ELP4: variants seen among roughly 807,000 people sequenced by gnomAD.
ELP4 encodes the protein elongator acetyltransferase complex subunit 4.
ELP4 carries 51 observed loss-of-function variants against 48.9 expected under a neutral mutation model. That is an observed-to-expected ratio of 1.04 (90% confidence interval 0.83 to 1.32). The LOEUF (loss-of-function observed/expected upper bound fraction) is 1.32, where lower values mean the gene tolerates loss of function less well. Ranked by LOEUF, ELP4 falls within the 40% of genes most tolerant of loss-of-function variation. The pLI, the probability that ELP4 is intolerant of heterozygous loss-of-function variation, is 0.00. For missense variants in ELP4, 519 were observed against 514.6 expected (o/e 1.01, Z -0.08); for synonymous variants, 210 against 189.2 (o/e 1.11, Z -0.90).
At chr11:31,646,083 A>T (rs1945191158) in intron 7 of ELP4, 1 of 151,744 alleles carries the variant, frequency 6.6e-6, no homozygotes, top group Non-Finnish European at 1.5e-5. Flanking sequence ...ATGGCCTCTG[A>T]AGCCCCTGTT....
At chr11:31,567,211 G>T (rs569087473) in intron 3 of ELP4, among the ~76,000 whole-genome samples, 2 of 151,992 alleles carry the variant, frequency 1.3e-5, no homozygotes, top group South Asian at 4.2e-4. Flanking sequence ...GGGATTACAG[G>T]CGTGAGCCAC....
chr11:31,554,113 G>A (rs543752377), intron 3 of ELP4, among the ~76,000 whole-genome samples: 1 of 152,266 alleles, frequency 6.6e-6, no homozygotes, highest in African/African-American at 2.4e-5. Context: ...TCTAGCTGCA[G>A]GAAAACAAGC....
chr11:31,552,067 C>G (rs1057482744), intron 3 of ELP4, among the ~76,000 whole-genome samples: 7 of 152,180 alleles, frequency 4.6e-5, no homozygotes, highest in Non-Finnish European at 7.3e-5. Flanking sequence ...CAGGCCTCAT[C>G]TGACTTGCCT....
In ELP4 at chr11:31,785,672, G is replaced by A. The variant is rs1948560896; in HGVS notation, c.*2148G>A. 1 of 194,386 alleles carries A rather than the reference G, an allele frequency of 5.1e-6. No homozygotes were observed. Among genetic ancestry groups the A allele is most frequent in the Non-Finnish European group, 1.1e-5 (1 of 93,460 alleles). 12.0% of individuals were successfully genotyped at this position (194,386 alleles called of 1,614,324 possible). ...TAAAAATAAGCTACTGGAGAGGGGT[G>A]TGTATTTTTGTCTTCCTCTGATAAA... On this transcript the variant is annotated 3_prime_UTR_variant, in exon 10 of 10. Coordinates refer to ENST00000640961, the MANE Select transcript of ELP4 (RefSeq NM_019040.5).
intron 9 of ELP4, among the ~76,000 whole-genome samples, chr11:31,716,214 T>G (rs1036705122): frequency 6.6e-6 from 1 of 152,098 alleles, no homozygotes; most frequent in Admixed American, 6.6e-5. Flanking sequence ...GATTTTGTTA[T>G]GTTGCCCAGG....
intron 9 of ELP4, among the ~76,000 whole-genome samples, chr11:31,734,218 A>C (rs1947254294): frequency 2.0e-5 from 3 of 152,224 alleles, no homozygotes; most frequent in African/African-American, 7.2e-5. Flanking sequence ...AATTATAGCA[A>C]CATAATAAAG....
intron 9 of ELP4, chr11:31,767,425 G>T (rs868820465): frequency 6.6e-6 from 1 of 151,506 alleles, no homozygotes; most frequent in African/African-American, 2.4e-5. Flanking sequence ...GTAGTTAGGT[G>T]GTGGGGGGAA....
chr11:31,677,177 A>G (rs894489113), intron 9 of ELP4, among the ~76,000 whole-genome samples: 2 of 152,188 alleles, frequency 1.3e-5, no homozygotes, highest in African/African-American at 4.8e-5. Flanking sequence ...TTCCAGGACA[A>G]TCTCCTCACT....
chr11:31,666,697 A>G (rs79097804), intron 9 of ELP4, among the ~76,000 whole-genome samples: 1 of 151,842 alleles, frequency 6.6e-6, no homozygotes, highest in Non-Finnish European at 1.5e-5. Context: ...GTCTCAAAAA[A>G]AAAAAAAAAA....
intron 3 of ELP4, among the ~76,000 whole-genome samples, chr11:31,560,038 G>A (rs929242989): frequency 6.6e-6 from 1 of 151,604 alleles, no homozygotes. Flanking sequence ...AATACCCTAA[G>A]CATTTTTGCT....
intron 5 of ELP4, among the ~76,000 whole-genome samples, chr11:31,614,267 G>A (rs1393637514): frequency 6.6e-6 from 1 of 152,006 alleles, no homozygotes; most frequent in Non-Finnish European, 1.5e-5. Flanking sequence ...CCATTCAAAG[G>A]CACTGGGACT....
intron 9 of ELP4, among the ~76,000 whole-genome samples, chr11:31,655,610 G>A (rs930099255): frequency 6.6e-6 from 1 of 151,942 alleles, no homozygotes; most frequent in African/African-American, 2.4e-5. Context: ...AGGTCCGGTT[G>A]TTAATCTCTC....
intron 9 of ELP4, among the ~76,000 whole-genome samples, chr11:31,758,941 AT>A (rs1409609008): frequency 3.3e-5 from 5 of 152,124 alleles, no homozygotes; most frequent in South Asian, 2.1e-4. Context: ...TTAATAGAAA[AT>A]TTTTAAAACG....
chr11:31,776,388 G>A (rs1433281497), intron 9 of ELP4, among the ~76,000 whole-genome samples: 1 of 152,182 alleles, frequency 6.6e-6, no homozygotes. Context: ...TCCAGATGAA[G>A]TGACCATAAC....
chr11:31,717,050 A>G (rs765952802), intron 9 of ELP4, among the ~76,000 whole-genome samples: 2 of 152,134 alleles, frequency 1.3e-5, no homozygotes, highest in Non-Finnish European at 2.9e-5. Flanking sequence ...TTTATTCTAA[A>G]CTTTCCCCCC....
intron 1 of ELP4, among the ~76,000 whole-genome samples, chr11:31,518,962 C>T (rs1956165579): frequency 6.6e-6 from 1 of 151,492 alleles, no homozygotes; most frequent in African/African-American, 2.4e-5. Flanking sequence ...TAGGCATGCA[C>T]CACCACATGC....
intron 9 of ELP4, chr11:31,763,417 C>T (rs1331306976): frequency 1.2e-6 from 2 of 1,606,730 alleles, no homozygotes; most frequent in African/African-American, 1.3e-5. Context: ...GCAGTGGGTG[C>T]AAGACAACTA....
chr11:31,521,628 G>A (rs1288786660), intron 2 of ELP4, among the ~76,000 whole-genome samples: 1 of 151,926 alleles, frequency 6.6e-6, no homozygotes, highest in African/African-American at 2.4e-5. Flanking sequence ...TCAACATGAA[G>A]GAATCCTTGA....
chr11:31,526,102 T>C (rs1393489443), intron 2 of ELP4, among the ~76,000 whole-genome samples: 7 of 152,146 alleles, frequency 4.6e-5, no homozygotes, highest in Non-Finnish European at 1.0e-4. Context: ...TGCTAAGCCA[T>C]TGACATGTAT....
Sources: gnomAD v4.1 joint callset for allele counts (sites outside exome capture counted in the v4.1 genomes callset) on GRCh38, gnomAD v4.1.1 for gene constraint, MANE v1.5 for transcripts, NCBI Gene and HGNC (gene_info 2026-07-23, HGNC 2026-07-21) for gene names.